The following INTS4 variants were observed in gnomAD, a reference collection of about 807,000 sequenced individuals.
The protein encoded by INTS4 is integrator complex subunit 4.
Under a neutral mutation model 119.5 loss-of-function variants are expected in INTS4, and 70 were observed. The ratio of observed to expected loss-of-function variants is 0.59; its 90% confidence interval spans 0.48 to 0.71. The LOEUF is 0.71. INTS4 is among the 30% of genes least tolerant of loss of function. The pLI is 0.00. For synonymous variants in INTS4, 316 were observed against 419.6 expected (o/e 0.75, Z 3.02); for missense variants, 867 against 1,173.2 (o/e 0.74, Z 3.81).
intron 4 of INTS4, among the ~76,000 whole-genome samples, chr11:77,976,145 T>C (rs1855942310): frequency 6.6e-6 from 1 of 152,180 alleles, no homozygotes; most frequent in African/African-American, 2.4e-5. Flanking sequence ...AAGTATCATT[T>C]TCCACATACC....
chr11:77,925,954 CCACT>C (rs752197869), intron 11 of INTS4, among the ~76,000 whole-genome samples: 1 of 152,206 alleles, frequency 6.6e-6, no homozygotes, highest in Non-Finnish European at 1.5e-5. Flanking sequence ...TCTTTACTAA[CCACT>C]CAAATTACAG....
chr11:77,993,431 T>G (rs1200857675), intron 1 of INTS4, among the ~76,000 whole-genome samples: 2 of 152,000 alleles, frequency 1.3e-5, no homozygotes, highest in African/African-American at 4.8e-5. Flanking sequence ...GTGCAAGAGT[T>G]TTGAGATATG....
intron 21 of INTS4, chr11:77,884,653 T>TGGTCAATGTTGAAACTGC: frequency 4.5e-6 from 1 of 220,348 alleles, no homozygotes; most frequent in South Asian, 6.0e-5. Context: ...GTTGAAACTG[T>TGGTCAATGTTGAAACTGC]GGTCAATGTT....
At chr11:77,987,563 G>T (rs1038634302) in intron 2 of INTS4, 6 of 433,152 alleles carry the variant, frequency 1.4e-5, no homozygotes, top group Admixed American at 7.7e-5. Context: ...AAAACTTCTT[G>T]AGAACAGAAA....
At chr11:77,891,904 C>T in intron 19 of INTS4, 64 bp from the exon 20 acceptor site, 1 of 1,602,326 alleles carries the variant, frequency 6.2e-7, no homozygotes, top group Non-Finnish European at 8.5e-7. Context: ...CAGGCTGGGC[C>T]CCAGACACCT....
At chr11:77,935,117 G>A (rs1377281634) in intron 10 of INTS4, among the ~76,000 whole-genome samples, 1 of 152,194 alleles carries the variant, frequency 6.6e-6, no homozygotes, top group African/African-American at 2.4e-5. Context: ...GATAGCATAT[G>A]GAAATCACAG....
At chr11:77,878,597 CCA>C, downstream of INTS4, 1 of 556,892 alleles carries the variant, frequency 1.8e-6, no homozygotes, top group Non-Finnish European at 3.2e-6. Flanking sequence ...GCTCAAATAA[CCA>C]GTTATCAGGA....
At chr11:77,884,536 C>T (rs1031592254) in intron 21 of INTS4, among the ~76,000 whole-genome samples, 7 of 152,150 alleles carry the variant, frequency 4.6e-5, no homozygotes, top group Middle Eastern at 3.2e-3. Flanking sequence ...TATACTGCAG[C>T]GCACAAAGGA....
intron 18 of INTS4, 76 bp downstream of exon 18, chr11:77,901,345 T>C: frequency 7.0e-7 from 1 of 1,431,066 alleles, no homozygotes; most frequent in South Asian, 1.2e-5. Context: ...TCATTAACTT[T>C]CGTGTGATGT....
At chr11:77,915,272 T>C (rs1439414135) in intron 15 of INTS4, 2 of 152,400 alleles carry the variant, frequency 1.3e-5, no homozygotes, top group South Asian at 2.1e-4. Flanking sequence ...CTGTGCTAGG[T>C]AGGGACTTTG....
chr11:77,972,679 A>ATTTG (rs1855778946), intron 4 of INTS4, among the ~76,000 whole-genome samples: 1 of 152,050 alleles, frequency 6.6e-6, no homozygotes, highest in Non-Finnish European at 1.5e-5. Context: ...GGCCTCCCAA[A>ATTTG]GTGCTAGGAT....
At chr11:77,882,965 G>C (rs981562381) in intron 22 of INTS4, among the ~76,000 whole-genome samples, 1 of 151,958 alleles carries the variant, frequency 6.6e-6, no homozygotes, top group African/African-American at 2.4e-5. Context: ...CCAGCTACTC[G>C]GGAGGCTGAG....
At chr11:77,939,644 G>A (rs1390454506) in intron 9 of INTS4, among the ~76,000 whole-genome samples, 3 of 151,880 alleles carry the variant, frequency 2.0e-5, no homozygotes, top group Admixed American at 2.0e-4. Context: ...CTGGCACTCC[G>A]TTTTATATAT....
intron 4 of INTS4, among the ~76,000 whole-genome samples, chr11:77,964,586 A>T (rs1443665382): frequency 6.6e-6 from 1 of 151,678 alleles, no homozygotes; most frequent in African/African-American, 2.4e-5. Flanking sequence ...AAATAAAAAT[A>T]AAAATAAAAA....
chr11:77,927,374 G>A (rs1953533764), intron 11 of INTS4, among the ~76,000 whole-genome samples: 2 of 152,116 alleles, frequency 1.3e-5, no homozygotes, highest in South Asian at 2.1e-4. Flanking sequence ...CAAAACCAAA[G>A]CACCAGCTAT....
At chr11:77,948,479 C>A (rs1443229715) in intron 8 of INTS4, among the ~76,000 whole-genome samples, 2 of 151,782 alleles carry the variant, frequency 1.3e-5, no homozygotes, top group Non-Finnish European at 2.9e-5. Context: ...AAACCCGTCT[C>A]TAATAAAAAT....
At chr11:77,973,860 G>C (rs1855833399) in intron 4 of INTS4, among the ~76,000 whole-genome samples, 2 of 152,168 alleles carry the variant, frequency 1.3e-5, no homozygotes, top group South Asian at 4.1e-4. Flanking sequence ...TTTTGTTAAA[G>C]ATATTTGGAT....
intron 1 of INTS4, 79 bp downstream of exon 1, chr11:77,994,511 C>G (rs547247773): frequency 8.0e-4 from 916 of 1,143,274 alleles, no homozygotes; most frequent in Non-Finnish European, 1.0e-3. Flanking sequence ...GGAGCCTCTT[C>G]TGTTCCGGCA....
rs1051366375 is a variant in INTS4, at chr11:77,961,154, A to AAG, written c.472-17_472-16insCT. ...CTGTCAGATGCTATTAAAAAAAAAAAAAAAAAGAAAAAAAGAAAAAGAAAA... is the reference window on the plus strand; with the variant it reads ...CTGTCAGATGCTATTAAAAAAAAAAAAGAAAAAAGAAAAAAAGAAAAAGAAAA... On this transcript the variant is annotated splice_polypyrimidine_tract_variant and intron_variant, in intron 4 of 22. Coordinates refer to ENST00000534064, the MANE Select transcript of INTS4 (RefSeq NM_033547.4). The AAG allele has an allele frequency of 3.3e-6, 5 of 1,537,562 alleles. No individual in the cohort carries two copies. The highest frequency in any genetic ancestry group is 4.3e-6 in the Non-Finnish European group (5 of 1,151,036).
Sources: allele counts gnomAD v4.1 joint callset (sites outside exome capture counted in the v4.1 genomes callset), GRCh38; gene constraint gnomAD v4.1.1; transcripts MANE v1.5; gene names NCBI Gene and HGNC (gene_info 2026-07-23, HGNC 2026-07-21).